COL4A1: variants seen among roughly 807,000 people sequenced by gnomAD.
COL4A1 encodes collagen alpha-1(IV) chain.
A neutral mutation model predicts 216.6 loss-of-function variants in COL4A1; 40 were observed. The ratio of observed to expected loss-of-function variants is 0.18; its 90% CI spans 0.14 to 0.24. The LOEUF (loss-of-function observed/expected upper bound fraction) is 0.24. Ranked by LOEUF, COL4A1 falls within the 10% of genes least tolerant of loss-of-function variation. COL4A1 has a pLI of 1.00. For synonymous variants in COL4A1, 839 were observed against 810.7 expected (o/e 1.03, Z -0.59); for missense variants, 1,628 against 2,196.8 (o/e 0.74, Z 5.18).
chr13:110,197,709 C>T (rs1878968760), intron 21 of COL4A1, among the ~76,000 whole-genome samples: 1 of 152,214 alleles, frequency 6.6e-6, no homozygotes, highest in Non-Finnish European at 1.5e-5. Flanking sequence ...TGAGAACTCC[C>T]TTTCGTAAAG....
intron 1 of COL4A1, among the ~76,000 whole-genome samples, chr13:110,285,049 A>G (rs1053981077): frequency 8.5e-5 from 13 of 152,230 alleles, no homozygotes; most frequent in African/African-American, 2.7e-4. Context: ...GATGGCCGTC[A>G]GTCTGGGCTG....
intron 1 of COL4A1, among the ~76,000 whole-genome samples, chr13:110,267,182 C>G (rs945993246): frequency 6.6e-6 from 1 of 152,038 alleles, no homozygotes; most frequent in African/African-American, 2.4e-5. Flanking sequence ...CCCAGTGGGC[C>G]CTGAGCCTCC....
chr13:110,243,187 A>T (rs960734771), intron 1 of COL4A1, among the ~76,000 whole-genome samples: 1 of 152,232 alleles, frequency 6.6e-6, no homozygotes, highest in Non-Finnish European at 1.5e-5. Context: ...CCGCGCAAAA[A>T]AAAGTTTGTA....
chr13:110,177,021 C>G lies in COL4A1; in HGVS notation c.2733G>C (p.Pro911=), dbSNP rs756513346. The change falls in exon 34 of 52, where the codon CCG becomes CCC. Residue 911 remains proline, a synonymous_variant. Transcript: ENST00000375820. Reference sequence around the variant, plus strand: ...GGTCTCCCCTGGGTCCTGAGGAGCCCGGAAAGCCATGGTCCCCTGCAGAGG... The same window carrying G: ...GGTCTCCCCTGGGTCCTGAGGAGCCGGGAAAGCCATGGTCCCCTGCAGAGG... ...LPGEKGDHGF[P]GSSGPRGDPG... 3.1e-6 allele frequency: 5 copies of G among 1,613,984 alleles called. No homozygotes were observed. Among genetic ancestry groups the G allele is most frequent in the East Asian group, 2.2e-5 (1 of 44,866 alleles).
At chr13:110,225,067 T>G (rs900353732) in intron 2 of COL4A1, among the ~76,000 whole-genome samples, 3 of 152,136 alleles carry the variant, frequency 2.0e-5, no homozygotes, top group Admixed American at 1.3e-4. Flanking sequence ...ATATAATTAT[T>G]TATCAAAATT....
At chr13:110,261,701 C>T (rs1283269702) in intron 1 of COL4A1, among the ~76,000 whole-genome samples, 1 of 152,220 alleles carries the variant, frequency 6.6e-6, no homozygotes, top group Non-Finnish European at 1.5e-5. Flanking sequence ...GAGCTGAGGG[C>T]GCTTCCTGTG....
At chr13:110,201,806 A>AC (rs1879261898) in intron 18 of COL4A1, 3 of 548,698 alleles carry the variant, frequency 5.5e-6, no homozygotes, top group Non-Finnish European at 1.1e-5. Context: ...ATATGGTGAA[A>AC]CCCCGACTCT....
At chr13:110,253,690 A>ATATACG (rs1566418839) in intron 1 of COL4A1, among the ~76,000 whole-genome samples, 8 of 107,064 alleles carry the variant, frequency 7.5e-5, no homozygotes, top group South Asian at 3.2e-4. Flanking sequence ...TTACATATAC[A>ATATACG]TATAATTATA....
chr13:110,152,248 T>A, intron 51 of COL4A1, 86 bp downstream of exon 51: 1 of 1,572,798 alleles, frequency 6.4e-7, no homozygotes, highest in Non-Finnish European at 8.6e-7. Context: ...AGACTTTGCA[T>A]TGGAAGGTGT....
intron 21 of COL4A1, among the ~76,000 whole-genome samples, chr13:110,195,836 A>C (rs1339781420): frequency 1.3e-5 from 2 of 152,230 alleles, no homozygotes; most frequent in Admixed American, 6.5e-5. Context: ...CTGCCCAGGC[A>C]TAACCCTAAC....
chr13:110,243,679 G>A (rs1298125396), intron 1 of COL4A1, among the ~76,000 whole-genome samples: 1 of 152,232 alleles, frequency 6.6e-6, no homozygotes, highest in East Asian at 1.9e-4. Context: ...ATCCAAGCCT[G>A]TGATAAAAGC....
At chr13:110,177,958 C>T (rs41275092) in intron 32 of COL4A1, 27 bp from the exon 33 acceptor site, 1,046 of 1,614,106 alleles carry the variant, frequency 6.5e-4, no homozygotes, top group Admixed American at 7.5e-4. Context: ...GGACTGTGAA[C>T]ATTTTCTTGC....
chr13:110,279,905 C>T (rs1163646314), intron 1 of COL4A1, among the ~76,000 whole-genome samples: 1 of 152,210 alleles, frequency 6.6e-6, no homozygotes, highest in Non-Finnish European at 1.5e-5. Flanking sequence ...CCACTGTCTT[C>T]TCCTGGGTCT....
At chr13:110,286,312 T>TG (rs1883842216) in intron 1 of COL4A1, among the ~76,000 whole-genome samples, 1 of 152,132 alleles carries the variant, frequency 6.6e-6, no homozygotes, top group South Asian at 2.1e-4. Flanking sequence ...CACATGAGGG[T>TG]GCTGAACACT....
At chr13:110,215,655 T>A (rs974107121) in intron 2 of COL4A1, among the ~76,000 whole-genome samples, 1 of 151,878 alleles carries the variant, frequency 6.6e-6, no homozygotes, top group Non-Finnish European at 1.5e-5. Flanking sequence ...AGCCTTACCA[T>A]ACGAATTGGG....
chr13:110,214,149 A>G lies in COL4A1; in HGVS notation c.145-134T>C, dbSNP rs183801833. 56 of 745,966 alleles carry G rather than the reference A, an allele frequency of 7.5e-5. No homozygotes were observed. The African/African-American group carries it at 9.3e-4, about 12-fold the overall frequency. 46.2% of individuals were successfully genotyped at this position (745,966 alleles called of 1,614,324 possible). ...CATTCTGTTGCCCAGGCTGGAGTGCATGCACGATCTCGGCTCACTGCAAAG... is the reference window on the plus strand; with the variant it reads ...CATTCTGTTGCCCAGGCTGGAGTGCGTGCACGATCTCGGCTCACTGCAAAG... On this transcript the variant is annotated intron_variant, in intron 2 of 51. Coordinates refer to ENST00000375820, the MANE Select transcript of COL4A1 (RefSeq NM_001845.6).
chr13:110,270,594 A>G (rs1047037450), intron 1 of COL4A1, among the ~76,000 whole-genome samples: 3 of 152,140 alleles, frequency 2.0e-5, no homozygotes, highest in Admixed American at 1.3e-4. Context: ...GAAGGTGCTG[A>G]GGCTTAGGGT....
chr13:110,215,550 G>A (rs1880027081), intron 2 of COL4A1, among the ~76,000 whole-genome samples: 2 of 134,546 alleles, frequency 1.5e-5, no homozygotes, highest in Admixed American at 1.6e-4. Context: ...GACAGAGTGA[G>A]ACTCTGTCTC....
intron 1 of COL4A1, among the ~76,000 whole-genome samples, chr13:110,296,842 G>T (rs988793190): frequency 4.6e-5 from 7 of 152,236 alleles, no homozygotes; most frequent in Admixed American, 3.3e-4. Context: ...AAGGCTCACA[G>T]AACTCAGGGA....
Sources: gnomAD v4.1 joint callset for allele counts (sites outside exome capture counted in the v4.1 genomes callset) on GRCh38, gnomAD v4.1.1 for gene constraint, MANE v1.5 for transcripts, NCBI Gene and HGNC (gene_info 2026-07-23, HGNC 2026-07-21) for gene names.